The following EPHA6 variants were observed in gnomAD, a reference collection of about 807,000 sequenced individuals.
EPHA6 encodes ephrin type-A receptor 6.
EPHA6 carries 50 observed loss-of-function variants against 112.0 expected under a neutral mutation model. The ratio of observed to expected loss-of-function variants is 0.45; its 90% CI spans 0.36 to 0.56. The LOEUF (loss-of-function observed/expected upper bound fraction) is 0.56. Among genes scored for constraint, EPHA6 ranks in the 20% least tolerant of loss-of-function variants. EPHA6 has a pLI of 0.00. For synonymous variants in EPHA6, 529 were observed against 490.7 expected (o/e 1.08, Z -1.03); for missense variants, 1,280 against 1,417.4 (o/e 0.90, Z 1.56).
At chr3:97,365,589 C>T (rs2084674697) in intron 5 of EPHA6, among the ~76,000 whole-genome samples, 1 of 152,062 alleles carries the variant, frequency 6.6e-6, no homozygotes, top group Admixed American at 6.5e-5. Context: ...GGAGTTTCAC[C>T]ATGTTGGCCA....
At chr3:97,546,750 A>G (rs1028894896) in intron 11 of EPHA6, among the ~76,000 whole-genome samples, 8 of 152,044 alleles carry the variant, frequency 5.3e-5, no homozygotes, top group African/African-American at 1.4e-4. Context: ...ATTTCTTGGA[A>G]GCTTTGTTCA....
intron 5 of EPHA6, among the ~76,000 whole-genome samples, chr3:97,349,445 C>A (rs1240274137): frequency 6.6e-6 from 1 of 151,988 alleles, no homozygotes; most frequent in East Asian, 1.9e-4. Context: ...GCATCATCAA[C>A]CCATATTTAT....
chr3:97,480,718 C>T (rs1287286257), intron 9 of EPHA6, among the ~76,000 whole-genome samples: 2 of 152,258 alleles, frequency 1.3e-5, no homozygotes, highest in African/African-American at 4.8e-5. Context: ...CCATCGTCAT[C>T]ATGGCCCGTT....
intron 3 of EPHA6, among the ~76,000 whole-genome samples, chr3:97,138,261 G>A (rs567521198): frequency 1.3e-5 from 2 of 152,192 alleles, no homozygotes; most frequent in Admixed American, 6.5e-5. Flanking sequence ...GAACTCACAC[G>A]GACCCCGCTG....
At chr3:97,344,587 A>G (rs555076734) in intron 5 of EPHA6, among the ~76,000 whole-genome samples, 1 of 152,274 alleles carries the variant, frequency 6.6e-6, no homozygotes, top group South Asian at 2.1e-4. Flanking sequence ...TTGACCTCAG[A>G]CTTACACCCC....
rs918525998 is a variant in EPHA6 at position 97,160,575 on chromosome 3, C to T, written c.1115-65689C>T. Reference sequence around the variant, plus strand: ...GATTACAGGCATGAGCCCCCACATCCGGCCTATCTTTACATATTTTTACCC... The same window carrying T: ...GATTACAGGCATGAGCCCCCACATCTGGCCTATCTTTACATATTTTTACCC... On this transcript the variant is annotated intron_variant, in intron 3 of 17. Transcript: ENST00000389672. Among the ~76,000 whole-genome samples, 6 of 152,126 alleles carry T rather than the reference C, an allele frequency of 3.9e-5. 1 individual carries two copies. The highest frequency in any genetic ancestry group is 3.9e-4 in the East Asian group (2 of 5,158).
chr3:97,063,650 G>A (rs1418105751), intron 3 of EPHA6, among the ~76,000 whole-genome samples: 2 of 152,110 alleles, frequency 1.3e-5, no homozygotes, highest in African/African-American at 2.4e-5. Context: ...CATGGCACAC[G>A]TTTACCTATG....
chr3:97,176,774 T>G (rs1324545478), intron 3 of EPHA6, among the ~76,000 whole-genome samples: 3 of 151,910 alleles, frequency 2.0e-5, no homozygotes, highest in Non-Finnish European at 4.4e-5. Flanking sequence ...TTTATTTGGA[T>G]CTTCTCTTTC....
intron 1 of EPHA6, among the ~76,000 whole-genome samples, chr3:96,853,184 G>A (rs1296301859): frequency 6.6e-6 from 1 of 151,862 alleles, no homozygotes; most frequent in Admixed American, 6.6e-5. Context: ...GCAATAATAG[G>A]TGTAAAGGTT....
At chr3:97,357,867 T>C (rs1328640125) in intron 5 of EPHA6, among the ~76,000 whole-genome samples, 1 of 152,196 alleles carries the variant, frequency 6.6e-6, no homozygotes, top group African/African-American at 2.4e-5. Context: ...TAGTATTCCT[T>C]AAACGGAAGT....
intron 15 of EPHA6, among the ~76,000 whole-genome samples, chr3:97,727,171 G>A (rs1180617632): frequency 1.3e-5 from 2 of 151,996 alleles, no homozygotes; most frequent in South Asian, 2.1e-4. Context: ...AAAACAGGAT[G>A]CTTCCTTGGT....
intron 3 of EPHA6, among the ~76,000 whole-genome samples, chr3:97,202,623 C>T (rs540461979): frequency 2.0e-5 from 3 of 152,166 alleles, no homozygotes; most frequent in African/African-American, 4.8e-5. Context: ...CGTAAGCCAC[C>T]GTGCTTGGCC....
intron 13 of EPHA6, among the ~76,000 whole-genome samples, chr3:97,620,516 C>T (rs2093805262): frequency 6.6e-6 from 1 of 152,016 alleles, no homozygotes; most frequent in Admixed American, 6.6e-5. Flanking sequence ...GCAAACTATG[C>T]ATCTGACAGA....
chr3:97,590,292 T>C (rs1421450207), intron 11 of EPHA6: 2 of 152,230 alleles, frequency 1.3e-5, no homozygotes, highest in East Asian at 3.9e-4. Context: ...TAAAGAAACA[T>C]AGCAGAGACA....
chr3:97,316,293 G>T (rs1054418617), intron 5 of EPHA6, among the ~76,000 whole-genome samples: 2 of 151,620 alleles, frequency 1.3e-5, no homozygotes, highest in East Asian at 1.9e-4. Flanking sequence ...AATAATATTG[G>T]CAATTGGCAA....
chr3:97,508,642 G>T (rs1169042206), intron 10 of EPHA6, among the ~76,000 whole-genome samples: 1 of 152,130 alleles, frequency 6.6e-6, no homozygotes, highest in Admixed American at 6.5e-5. Context: ...TGTTGATTTG[G>T]GGTGGAGAGT....
intron 1 of EPHA6, among the ~76,000 whole-genome samples, chr3:96,854,843 G>A (rs540302347): frequency 2.0e-5 from 3 of 152,192 alleles, no homozygotes; most frequent in East Asian, 1.9e-4. Context: ...ATATTTGAAG[G>A]TGATTTAAAA....
chr3:97,606,092 A>G (rs1261978501), intron 12 of EPHA6: 2 of 151,398 alleles, frequency 1.3e-5, no homozygotes, highest in Non-Finnish European at 3.0e-5. Flanking sequence ...GCAATAAACA[A>G]TGCAGTCTCA....
chr3:97,501,624 C>G lies in EPHA6; in HGVS notation c.2200+17565C>G, dbSNP rs1377865149. Among the ~76,000 whole-genome samples the G allele has an allele frequency of 2.0e-5, 3 of 151,808 alleles. No individual in the cohort carries two copies. The East Asian group carries it at 5.8e-4, about 29-fold the overall frequency. On this transcript the variant is annotated intron_variant, in intron 10 of 17. Coordinates refer to ENST00000389672, the MANE Select transcript of EPHA6 (RefSeq NM_001080448.3). ...TATTTTAATATAATTTAGAAAATTT[C>G]TAGACCTAAATAATAGTGAAAAAAA...
Sources: gnomAD v4.1 joint callset for allele counts (sites outside exome capture counted in the v4.1 genomes callset) on GRCh38, gnomAD v4.1.1 for gene constraint, MANE v1.5 for transcripts, NCBI Gene and HGNC (gene_info 2026-07-23, HGNC 2026-07-21) for gene names.